KANSL1: variants seen among roughly 807,000 people sequenced by gnomAD.
KANSL1 encodes the protein MLL1/MLL complex subunit KANSL1.
KANSL1 carries 22 observed loss-of-function variants against 103.6 expected under a neutral mutation model. The observed-to-expected ratio is 0.21, with a 90% CI of 0.15 to 0.30. The LOEUF (loss-of-function observed/expected upper bound fraction) is 0.30. KANSL1 is among the 10% of genes least tolerant of loss of function. The pLI, the probability that KANSL1 is intolerant of heterozygous loss-of-function variation, is 1.00. For missense variants in KANSL1, 1,337 were observed against 1,399.8 expected, an observed-to-expected ratio of 0.96 and a Z score of 0.72; for synonymous variants, 600 against 527.6, an observed-to-expected ratio of 1.14 and a Z score of -1.88.
At chr17:46,074,584 T>G (rs901866669) in intron 4 of KANSL1, among the ~76,000 whole-genome samples, 1 of 150,638 alleles carries the variant, frequency 6.6e-6, no homozygotes, top group African/African-American at 2.4e-5. Flanking sequence ...CAGGGCAAAA[T>G]GGCAAAACCT....
chr17:46,056,498 G>C (rs2077935642), intron 6 of KANSL1, among the ~76,000 whole-genome samples: 1 of 152,176 alleles, frequency 6.6e-6, no homozygotes, highest in African/African-American at 2.4e-5. Flanking sequence ...GAGAGTACCT[G>C]ATAGAGTTGT....
In KANSL1 at chr17:46,172,029, T is replaced by C; in HGVS notation, c.115A>G (p.Asn39Asp). 1 of 1,614,276 alleles carries C rather than the reference T, an allele frequency of 6.2e-7. No individual in the cohort carries two copies. Among genetic ancestry groups the C allele is most frequent in the Non-Finnish European group, 8.5e-7 (1 of 1,180,058 alleles). ...LSPGSAENNG[N>D]ANILIAANGT... Reference sequence around the variant, plus strand: ...TTGGCAGCAATAAGGATGTTGGCGTTGCCGTTATTTTCGGCACTGCCAGGG... The same window carrying C: ...TTGGCAGCAATAAGGATGTTGGCGTCGCCGTTATTTTCGGCACTGCCAGGG... Residue 39 changes from asparagine to aspartate, a missense_variant, in exon 2 of 15, where the codon AAC (asparagine) becomes GAC (aspartate). Physicochemically the swap from Asn to Asp is conservative, Grantham distance 23 (BLOSUM62 1). Coordinates refer to ENST00000432791, the MANE Select transcript of KANSL1 (RefSeq NM_015443.4).
At chr17:46,196,270 C>T (rs904216039), upstream of KANSL1, 4 of 446,632 alleles carry the variant, frequency 9.0e-6, no homozygotes, top group Non-Finnish European at 1.8e-5. Context: ...AAAACACCAA[C>T]ATATTTCAAA....
chr17:46,047,370 A>G (rs1249717550), intron 7 of KANSL1, among the ~76,000 whole-genome samples: 12 of 152,226 alleles, frequency 7.9e-5, no homozygotes, highest in Admixed American at 7.9e-4. Context: ...AATCAGGTTC[A>G]TTTGTTCACA....
At chr17:46,073,855 C>G (rs1323242482) in intron 4 of KANSL1, among the ~76,000 whole-genome samples, 1 of 152,080 alleles carries the variant, frequency 6.6e-6, no homozygotes. Flanking sequence ...CACAGGGGTA[C>G]TAGATGACAA....
In KANSL1 at chr17:46,172,105, A is replaced by C; in HGVS notation, c.39T>G (p.Ala13=). The change falls in exon 2 of 15, where the codon GCT becomes GCG. Residue 13 remains alanine (A), a synonymous_variant. Transcript: ENST00000432791. ...AMAPALTDAA[A]EAHHIRFKLA... ...GTTTGAACCGGATATGGTGTGCTTCAGCTGCTGCGTCAGTGAGAGCGGGCG... is the reference window on the plus strand; with the variant it reads ...GTTTGAACCGGATATGGTGTGCTTCCGCTGCTGCGTCAGTGAGAGCGGGCG... The C allele has an allele frequency of 6.2e-7, 1 of 1,611,026 alleles. No individual in the cohort carries two copies. The highest frequency in any genetic ancestry group is 8.5e-7 in the Non-Finnish European group (1 of 1,180,040).
intron 2 of KANSL1, among the ~76,000 whole-genome samples, chr17:46,156,174 C>T (rs1448472788): frequency 4.6e-5 from 7 of 152,038 alleles, no homozygotes; most frequent in Non-Finnish European, 1.0e-4. Flanking sequence ...ATGGTGAAAC[C>T]CCATCTCTAC....
chr17:46,096,303 TTTTTTTTC>T (rs1378002951), intron 2 of KANSL1, among the ~76,000 whole-genome samples: 2 of 117,244 alleles, frequency 1.7e-5, no homozygotes, highest in African/African-American at 6.6e-5. Context: ...CATACCTGGC[TTTTTTTTC>T]TTTTTTTTTT....
intron 1 of KANSL1, among the ~76,000 whole-genome samples, chr17:46,218,506 G>A (rs182553971): frequency 2.0e-5 from 3 of 152,360 alleles, no homozygotes; most frequent in East Asian, 1.9e-4. Flanking sequence ...AATAAGAGCT[G>A]GCGTGGTGGC....
chr17:46,037,698 TGATCACTG>T (rs895462544), intron 10 of KANSL1: 74 of 152,248 alleles, frequency 4.9e-4, no homozygotes, highest in African/African-American at 1.7e-3. Context: ...TGTAAATCAC[TGATCACTG>T]GTATGTAGTA....
At chr17:46,161,978 T>C (rs918139555) in intron 2 of KANSL1, among the ~76,000 whole-genome samples, 7 of 152,266 alleles carry the variant, frequency 4.6e-5, no homozygotes, top group African/African-American at 1.7e-4. Context: ...TTGTCTACCA[T>C]GGTACAAGAA....
At chr17:46,094,752 C>A (rs757030308) in intron 2 of KANSL1, 51 bp from the exon 3 acceptor site, 24 of 1,606,336 alleles carry the variant, frequency 1.5e-5, no homozygotes, top group Admixed American at 1.7e-5. Flanking sequence ...AATATCTATA[C>A]CAGATTGGGG....
intron 12 of KANSL1, 74 bp from the exon 13 acceptor site, chr17:46,033,266 C>A: frequency 6.9e-7 from 1 of 1,444,412 alleles, no homozygotes; most frequent in East Asian, 2.4e-5. Flanking sequence ...ATTCTAGGTT[C>A]TTCCCGGTCA....
At chr17:46,175,247 ATGAC>A (rs1334365420) in intron 1 of KANSL1, among the ~76,000 whole-genome samples, 1 of 152,194 alleles carries the variant, frequency 6.6e-6, no homozygotes, top group African/African-American at 2.4e-5. Flanking sequence ...ACTCAAATAA[ATGAC>A]TGAGAAAACA....
intron 1 of KANSL1, among the ~76,000 whole-genome samples, chr17:46,179,387 T>G (rs948069346): frequency 2.0e-5 from 3 of 152,222 alleles, no homozygotes; most frequent in East Asian, 3.9e-4. Context: ...AGCATCCACC[T>G]TGCAAAAATA....
intron 2 of KANSL1, among the ~76,000 whole-genome samples, chr17:46,131,339 A>T (rs552894712): frequency 5.3e-5 from 8 of 152,372 alleles, no homozygotes; most frequent in African/African-American, 1.9e-4. Flanking sequence ...TGAAAATCTG[A>T]AATCAGAACA....
At chr17:46,178,189 CTG>C (rs1481447969) in intron 1 of KANSL1, among the ~76,000 whole-genome samples, 1 of 152,060 alleles carries the variant, frequency 6.6e-6, no homozygotes, top group Admixed American at 6.5e-5. Context: ...CAGGGAAAGA[CTG>C]TCAAATTTAA....
At chr17:46,216,598 C>CAAAA (rs72237062) in intron 1 of KANSL1, among the ~76,000 whole-genome samples, 13 of 83,680 alleles carry the variant, frequency 1.6e-4, no homozygotes, top group Admixed American at 2.0e-4. Context: ...GACTCCGTCT[C>CAAAA]AAAAAAAAAA....
intron 1 of KANSL1, among the ~76,000 whole-genome samples, chr17:46,181,080 A>G (rs740705): frequency 0.11 from 17,049 of 150,024 alleles, no homozygotes; most frequent in Non-Finnish European, 0.17. Flanking sequence ...CTTCAACCAG[A>G]AAATAATAGT....
Sources: allele counts gnomAD v4.1 joint callset (sites outside exome capture counted in the v4.1 genomes callset), GRCh38; gene constraint gnomAD v4.1.1; transcripts MANE v1.5; gene names NCBI Gene and HGNC (gene_info 2026-07-23, HGNC 2026-07-21).